The following R3HDM2 variants were observed in gnomAD, a reference collection of about 807,000 sequenced individuals.
R3HDM2 encodes R3H domain-containing protein 2.
Under a neutral mutation model 124.5 loss-of-function variants are expected in R3HDM2, and 38 were observed. The ratio of observed to expected loss-of-function variants is 0.31; its 90% CI spans 0.24 to 0.40. R3HDM2 has a LOEUF of 0.40. Among genes scored for constraint, R3HDM2 ranks in the 10% least tolerant of loss-of-function variants. The pLI, the probability that R3HDM2 is intolerant of heterozygous loss-of-function variation, is 1.00. For synonymous variants in R3HDM2, 391 were observed against 448.0 expected (o/e 0.87, Z 1.61); for missense variants, 869 against 1,236.9 (o/e 0.70, Z 4.46).
chr12:57,320,287 A>AAAAAAAAAAAAG (rs1566135789), intron 2 of R3HDM2, among the ~76,000 whole-genome samples: 1 of 147,452 alleles, frequency 6.8e-6, no homozygotes, highest in Non-Finnish European at 1.5e-5. Context: ...AAAAAAAAAA[A>AAAAAAAAAAAAG]AGCCTTAAAC....
At chr12:57,272,198 A>G (rs1043466802) in intron 14 of R3HDM2, among the ~76,000 whole-genome samples, 4 of 152,098 alleles carry the variant, frequency 2.6e-5, no homozygotes, top group Admixed American at 1.3e-4. Context: ...CCAACATCCA[A>G]TTTCATTCTC....
In R3HDM2 at chr12:57,332,309, G is replaced by T. The variant is rs144754658; in HGVS notation, c.-35-21846C>A. On this transcript the variant is annotated intron_variant, in intron 2 of 23. Coordinates refer to ENST00000402412, the MANE Select transcript of R3HDM2 (RefSeq NM_001394031.1). ...ACACACCTGTAGTCCCAGCTACTTG[G>T]GAGGCTGAGGTAAGAGGATCGCTTG... Among the ~76,000 whole-genome samples the T allele has an allele frequency of 1.3e-3, 195 of 149,720 alleles. 2 individuals carry two copies. Among genetic ancestry groups the T allele is most frequent in the African/African-American group, 4.6e-3 (186 of 40,718 alleles).
intron 2 of R3HDM2, among the ~76,000 whole-genome samples, chr12:57,317,964 A>G (rs2055510844): frequency 2.1e-5 from 3 of 144,202 alleles, no homozygotes; most frequent in South Asian, 2.2e-4. Context: ...TGGGCAACAG[A>G]GCGAGACTCC....
chr12:57,385,736 G>A (rs1470783320), intron 2 of R3HDM2, among the ~76,000 whole-genome samples: 1 of 151,992 alleles, frequency 6.6e-6, no homozygotes, highest in Non-Finnish European at 1.5e-5. Flanking sequence ...TGTGTGTAAT[G>A]ACTGGGAGAG....
At chr12:57,285,521 T>C (rs2047142255) in intron 12 of R3HDM2, among the ~76,000 whole-genome samples, 1 of 152,096 alleles carries the variant, frequency 6.6e-6, no homozygotes, top group African/African-American at 2.4e-5. Flanking sequence ...AAAATATTCC[T>C]GTTTCTCCAA....
At chr12:57,282,531 A>C (rs1031128168) in intron 13 of R3HDM2, among the ~76,000 whole-genome samples, 7 of 152,094 alleles carry the variant, frequency 4.6e-5, no homozygotes, top group African/African-American at 1.4e-4. Flanking sequence ...GCAATGGCTC[A>C]TGTCTGTAAT....
At chr12:57,357,937 T>C (rs561754905) in intron 2 of R3HDM2, among the ~76,000 whole-genome samples, 61 of 152,048 alleles carry the variant, frequency 4.0e-4, no homozygotes, top group African/African-American at 1.4e-3. Flanking sequence ...GGTTTCCAAA[T>C]ATTTGGGGAT....
At chr12:57,284,760 G>A (rs1191236754) in intron 12 of R3HDM2, among the ~76,000 whole-genome samples, 1 of 152,236 alleles carries the variant, frequency 6.6e-6, no homozygotes, top group Non-Finnish European at 1.5e-5. Context: ...ATGGCGAAGA[G>A]CAGGGGGGTT....
chr12:57,328,884 C>T (rs945079302), intron 2 of R3HDM2, among the ~76,000 whole-genome samples: 1 of 152,044 alleles, frequency 6.6e-6, no homozygotes, highest in Admixed American at 6.6e-5. Flanking sequence ...TGCACTGAGA[C>T]ACAAAATATT....
chr12:57,380,526 C>A (rs1027439108), intron 2 of R3HDM2, among the ~76,000 whole-genome samples: 5 of 152,148 alleles, frequency 3.3e-5, no homozygotes, highest in African/African-American at 1.2e-4. Context: ...TTACACAAGT[C>A]CCCATACTAG....
At chr12:57,273,790 T>C (rs1222144277) in intron 14 of R3HDM2, among the ~76,000 whole-genome samples, 1 of 152,136 alleles carries the variant, frequency 6.6e-6, no homozygotes, top group Non-Finnish European at 1.5e-5. Flanking sequence ...TGTGGGGCCA[T>C]GGTATCAATA....
intron 2 of R3HDM2, among the ~76,000 whole-genome samples, chr12:57,329,979 T>C (rs2057900455): frequency 1.3e-5 from 2 of 152,190 alleles, no homozygotes; most frequent in South Asian, 4.1e-4. Context: ...TTGTTGTTGT[T>C]GTTGTTTTTA....
intron 13 of R3HDM2, 46 bp from the exon 14 acceptor site, chr12:57,280,576 G>C: frequency 1.3e-6 from 2 of 1,514,572 alleles, no homozygotes; most frequent in South Asian, 2.5e-5. Context: ...CATAAGCCAC[G>C]AACACATTAT....
intron 14 of R3HDM2, among the ~76,000 whole-genome samples, chr12:57,279,371 C>A (rs1161050502): frequency 6.6e-6 from 1 of 150,916 alleles, no homozygotes; most frequent in Non-Finnish European, 1.5e-5. Context: ...TTAGTAGGGA[C>A]CGGGTTTCAC....
At chr12:57,364,143 C>CT (rs11320875) in intron 2 of R3HDM2, among the ~76,000 whole-genome samples, 30 of 81,626 alleles carry the variant, frequency 3.7e-4, no homozygotes, top group African/African-American at 1.0e-3. Context: ...GACTCGGTGT[C>CT]TTTTTTTTTT....
At chr12:57,299,704 C>T (rs576792116) in intron 5 of R3HDM2, among the ~76,000 whole-genome samples, 35 of 152,202 alleles carry the variant, frequency 2.3e-4, no homozygotes, top group African/African-American at 7.7e-4. Context: ...TTACACAGGC[C>T]GTTCTTGGCA....
intron 2 of R3HDM2, among the ~76,000 whole-genome samples, chr12:57,372,924 G>A (rs2063548624): frequency 6.6e-6 from 1 of 152,230 alleles, no homozygotes; most frequent in Admixed American, 6.5e-5. Flanking sequence ...CTCCAACTCT[G>A]GCCAAGCATG....
chr12:57,414,850 A>T (rs549647463), intron 1 of R3HDM2, among the ~76,000 whole-genome samples: 2 of 152,024 alleles, frequency 1.3e-5, no homozygotes, highest in Non-Finnish European at 2.9e-5. Flanking sequence ...AAAAATACAA[A>T]AGAAAAGAAT....
Position 57,373,373 on chromosome 12 carries a change from G to A in R3HDM2, c.-36+22376C>T, listed in dbSNP as rs577916698. On this transcript the variant is annotated intron_variant, in intron 2 of 23. Transcript: ENST00000402412. The stretch of plus-strand genomic sequence containing the variant: ...AAATTAGCCGGGCGTGGTGGCGGGC[G>A]CCTGTAGTACCAGCTACTAAGGAGG... Among the ~76,000 whole-genome samples, 310 of 152,078 alleles carry A rather than the reference G, an allele frequency of 2.0e-3. 1 individual carries two copies. The highest frequency in any genetic ancestry group is 6.8e-3 in the African/African-American group (283 of 41,516).
Sources: gnomAD v4.1 joint callset for allele counts (sites outside exome capture counted in the v4.1 genomes callset) on GRCh38, gnomAD v4.1.1 for gene constraint, MANE v1.5 for transcripts, NCBI Gene and HGNC (gene_info 2026-07-23, HGNC 2026-07-21) for gene names.